The following ECD variants were observed in gnomAD, a reference collection of about 807,000 sequenced individuals.
ECD encodes the protein ecdysoneless cell cycle regulator, also known as protein ecdysoneless homolog.
Under a neutral mutation model 77.2 loss-of-function variants are expected in ECD, and 59 were observed. The ratio of observed to expected loss-of-function variants is 0.76; its 90% CI spans 0.62 to 0.95. The LOEUF is 0.95. ECD is among the 40% of genes least tolerant of loss of function. The probability of loss-of-function intolerance (pLI) is 0.00; values close to 1 mark genes in which losing one functional copy is unlikely to be tolerated. For missense variants in ECD, 704 were observed against 763.4 expected (o/e 0.92, Z 0.92); for synonymous variants, 233 against 267.4 (o/e 0.87, Z 1.26).
intron 9 of ECD, among the ~76,000 whole-genome samples, chr10:73,143,847 T>C (rs1191687081): frequency 3.3e-5 from 5 of 150,184 alleles, no homozygotes; most frequent in Non-Finnish European, 5.9e-5. Context: ...TTTTTTTTTT[T>C]CACTGCATTA....
chr10:73,157,795 A>T (rs1476469411), intron 3 of ECD, among the ~76,000 whole-genome samples: 1 of 152,062 alleles, frequency 6.6e-6, no homozygotes, highest in East Asian at 1.9e-4. Context: ...CCCTACATGC[A>T]TCACTGCTGT....
At chr10:73,155,446 T>C (rs1843283625) in intron 5 of ECD, among the ~76,000 whole-genome samples, 1 of 149,554 alleles carries the variant, frequency 6.7e-6, no homozygotes, top group African/African-American at 2.4e-5. Context: ...TGAACGAATA[T>C]GTAATTAGGC....
intron 6 of ECD, among the ~76,000 whole-genome samples, chr10:73,152,679 A>C (rs1843229829): frequency 6.6e-6 from 1 of 152,086 alleles, no homozygotes; most frequent in African/African-American, 2.4e-5. Flanking sequence ...TGGGAGGCCA[A>C]GGTGGGCAGA....
At chr10:73,140,178 T>G (rs1404030161) in intron 9 of ECD, among the ~76,000 whole-genome samples, 1 of 151,144 alleles carries the variant, frequency 6.6e-6, no homozygotes, top group Non-Finnish European at 1.5e-5. Flanking sequence ...AAAGATGGGG[T>G]TTCACCATAT....
At chr10:73,148,665 C>T (rs1316208688) in intron 7 of ECD, among the ~76,000 whole-genome samples, 1 of 152,060 alleles carries the variant, frequency 6.6e-6, no homozygotes. Context: ...AAAGAGATTC[C>T]TTTTCCTGCT....
intron 2 of ECD, among the ~76,000 whole-genome samples, chr10:73,162,645 G>A (rs1843396452): frequency 6.6e-6 from 1 of 152,102 alleles, no homozygotes; most frequent in Admixed American, 6.6e-5. Context: ...TATACATGGG[G>A]GGTATATCTT....
intron 3 of ECD, among the ~76,000 whole-genome samples, chr10:73,158,970 C>T (rs1295552684): frequency 6.6e-6 from 1 of 152,122 alleles, no homozygotes; most frequent in Admixed American, 6.5e-5. Flanking sequence ...CTTAGATTTA[C>T]ATCCTGAAAT....
At chr10:73,147,335 G>A (rs1041893191) in intron 8 of ECD, among the ~76,000 whole-genome samples, 7 of 152,116 alleles carry the variant, frequency 4.6e-5, no homozygotes, top group African/African-American at 1.4e-4. Context: ...ATCACCTGAG[G>A]TCAGGAGTCC....
chr10:73,161,027 T>A (rs1327398922), intron 2 of ECD, among the ~76,000 whole-genome samples: 2 of 152,058 alleles, frequency 1.3e-5, no homozygotes, highest in African/African-American at 4.8e-5. Context: ...TTGGAATAAA[T>A]CACAGGGAAA....
rs139699926 is a variant in ECD at position 73,146,276 on chromosome 10, C to A, written c.1127G>T (p.Ser376Ile). 1.2e-3 allele frequency: 1,960 copies of A among 1,585,946 alleles called. 7 individuals are homozygous for A. The highest frequency in any genetic ancestry group is 1.6e-3 in the Non-Finnish European group (1,825 of 1,161,250). Reference protein sequence around the residue: ...YFQLSVDWPESSLAMSPGEEI... With the variant: ...YFQLSVDWPEISLAMSPGEEI... ...AGTAGGAGTCTTAACAATAACTCACCTTTCTGGCCAGTCTACTGAGAGCTG... is the reference window on the plus strand; with the variant it reads ...AGTAGGAGTCTTAACAATAACTCACATTTCTGGCCAGTCTACTGAGAGCTG... Residue 376 changes from serine to isoleucine, a missense_variant and splice_region_variant, in exon 9 of 14, where the codon AGT (serine) becomes ATT (isoleucine). Around this residue, in one of 3 missense-constraint regions of ECD, gnomAD observed 559 missense variants for 583.7 expected, o/e 0.96. Transcript: ENST00000372979.
chr10:73,158,909 T>A (rs1299096672), intron 3 of ECD, among the ~76,000 whole-genome samples: 1 of 151,724 alleles, frequency 6.6e-6, no homozygotes, highest in Non-Finnish European at 1.5e-5. Context: ...TTTAAAACAT[T>A]TAAAAATTTT....
chr10:73,153,319 G>T (rs990451273), intron 6 of ECD, among the ~76,000 whole-genome samples: 2 of 152,084 alleles, frequency 1.3e-5, no homozygotes, highest in African/African-American at 2.4e-5. Context: ...TCTCAAACAC[G>T]TGGGTTCAAG....
intron 7 of ECD, among the ~76,000 whole-genome samples, chr10:73,150,128 G>A (rs913697029): frequency 1.3e-5 from 2 of 152,202 alleles, no homozygotes; most frequent in South Asian, 4.1e-4. Flanking sequence ...AAACTATACT[G>A]CAAGGCTACA....
At chr10:73,162,916 T>C (rs1261292771) in intron 2 of ECD, among the ~76,000 whole-genome samples, 1 of 152,178 alleles carries the variant, frequency 6.6e-6, no homozygotes, top group Non-Finnish European at 1.5e-5. Context: ...TTGCAGGGCA[T>C]AGCTGGGAAC....
intron 9 of ECD, among the ~76,000 whole-genome samples, chr10:73,140,070 C>T (rs1843032754): frequency 1.3e-5 from 2 of 151,818 alleles, no homozygotes; most frequent in African/African-American, 4.8e-5. Context: ...CCACAACCTC[C>T]GCCTCCCAGG....
intron 6 of ECD, among the ~76,000 whole-genome samples, chr10:73,152,927 A>C (rs985508564): frequency 1.5e-4 from 23 of 152,184 alleles, no homozygotes; most frequent in Admixed American, 8.5e-4. Flanking sequence ...AAAAAATTTT[A>C]CCCTACTGCC....
intron 11 of ECD, 91 bp downstream of exon 11, chr10:73,139,218 A>T: frequency 4.1e-6 from 2 of 484,542 alleles, no homozygotes; most frequent in East Asian, 3.0e-4. Context: ...CATTTACTCA[A>T]AAAAAAAAAA....
intron 9 of ECD, among the ~76,000 whole-genome samples, chr10:73,142,373 G>A (rs113353214): frequency 0.048 from 7,302 of 151,822 alleles, 555 homozygotes; most frequent in African/African-American, 0.16. Flanking sequence ...AAATATTGTA[G>A]AGATGTAATC....
chr10:73,146,347 AC>A lies in ECD; in HGVS notation c.1055del (p.Gly352ValfsTer9). On this transcript the variant is annotated frameshift_variant, in exon 9 of 14. Coordinates refer to ENST00000372979, the MANE Select transcript of ECD (RefSeq NM_007265.3). LOFTEE classifies it high-confidence loss of function. ...KNDYFKGLIE[G>X]SAQYRERLEM... ...CTAGCCTTTCCCGGTACTGAGCAGA[AC>A]CTTCTATCAGTCCCTTAAAAAAAAA... 1 of 1,605,620 alleles carries A rather than the reference AC, an allele frequency of 6.2e-7. No individual in the cohort carries two copies. The highest frequency in any genetic ancestry group is 8.5e-7 in the Non-Finnish European group (1 of 1,175,412).
Sources: allele counts gnomAD v4.1 joint callset (sites outside exome capture counted in the v4.1 genomes callset), GRCh38; gene constraint gnomAD v4.1.1; regional missense constraint gnomAD v4.1.1; transcripts MANE v1.5; gene names NCBI Gene and HGNC (gene_info 2026-07-23, HGNC 2026-07-21).